The following PHACTR1 variants were observed in gnomAD, a reference collection of about 807,000 sequenced individuals.
PHACTR1 encodes phosphatase and actin regulator 1, also known as RPEL repeat containing 1.
Under a neutral mutation model 69.2 loss-of-function variants are expected in PHACTR1, and 16 were observed. The ratio of observed to expected loss-of-function variants is 0.23; its 90% CI spans 0.16 to 0.35. The LOEUF (loss-of-function observed/expected upper bound fraction) is 0.35, where lower values mean the gene tolerates loss of function less well. Among genes scored for constraint, PHACTR1 ranks in the 10% least tolerant of loss-of-function variants. The pLI is 1.00. For missense variants in PHACTR1, 510 were observed against 734.7 expected (o/e 0.69, Z 3.54); for synonymous variants, 312 against 284.5 (o/e 1.10, Z -0.97).
At chr6:13,186,037 T>C (rs1762787714) in intron 7 of PHACTR1, among the ~76,000 whole-genome samples, 1 of 152,154 alleles carries the variant, frequency 6.6e-6, no homozygotes, top group Non-Finnish European at 1.5e-5. Context: ...TCTATAAGAG[T>C]CCATCTTAGA....
At chr6:13,139,559 T>G (rs965985368) in intron 5 of PHACTR1, among the ~76,000 whole-genome samples, 1 of 152,220 alleles carries the variant, frequency 6.6e-6, no homozygotes, top group African/African-American at 2.4e-5. Flanking sequence ...GGAACTGAAC[T>G]TGAAAGAACA....
chr6:13,194,660 T>C (rs954736329), intron 7 of PHACTR1, among the ~76,000 whole-genome samples: 2 of 152,196 alleles, frequency 1.3e-5, no homozygotes, highest in Admixed American at 6.5e-5. Flanking sequence ...TTTAAATGTT[T>C]TCACTGCCAA....
At chr6:13,244,039 G>A (rs904737941) in intron 10 of PHACTR1, among the ~76,000 whole-genome samples, 4 of 152,250 alleles carry the variant, frequency 2.6e-5, no homozygotes, top group East Asian at 3.9e-4. Flanking sequence ...CGATAATCAC[G>A]TAGGTTCTTT....
At chr6:12,961,112 T>C (rs977463159) in intron 4 of PHACTR1, among the ~76,000 whole-genome samples, 1 of 152,198 alleles carries the variant, frequency 6.6e-6, no homozygotes, top group Non-Finnish European at 1.5e-5. Context: ...AGGTTGAGCT[T>C]CTTAGGAAAC....
At position 12,985,561 on chromosome 6, in the gene PHACTR1, T is replaced by TACAC. The variant is rs1554186433; in HGVS notation, c.251-67802_251-67799dup. 3.1e-3 allele frequency among the ~76,000 whole-genome samples: 458 copies of TACAC among 146,376 alleles called. 4 individuals carry two copies. Among genetic ancestry groups the TACAC allele is most frequent in the African/African-American group, 0.011 (436 of 39,936 alleles). On this transcript the variant is annotated intron_variant, in intron 4 of 14. Coordinates refer to ENST00000332995, the MANE Select transcript of PHACTR1 (RefSeq NM_030948.6). ...AAAAAAATATATATATATATATATA[T>TACAC]ACACAGAGAGAGAGAGTCATACACA...
intron 4 of PHACTR1, among the ~76,000 whole-genome samples, chr6:12,905,211 A>G (rs533779979): frequency 6.6e-6 from 1 of 152,334 alleles, no homozygotes; most frequent in African/African-American, 2.4e-5. Flanking sequence ...GTGGAAAAGC[A>G]TGGAGCTAAC....
intron 6 of PHACTR1, among the ~76,000 whole-genome samples, chr6:13,168,983 T>C (rs1760220272): frequency 6.6e-6 from 1 of 152,172 alleles, no homozygotes; most frequent in African/African-American, 2.4e-5. Flanking sequence ...GAGACTGACT[T>C]GCAAGGAGAG....
intron 8 of PHACTR1, among the ~76,000 whole-genome samples, chr6:13,218,539 G>A (rs13196441): frequency 6.6e-5 from 10 of 151,996 alleles, no homozygotes; most frequent in Admixed American, 5.2e-4. Context: ...AAAAATATTC[G>A]GCCATTGAAA....
intron 4 of PHACTR1, among the ~76,000 whole-genome samples, chr6:12,978,048 T>A (rs1795099345): frequency 6.6e-6 from 1 of 152,254 alleles, no homozygotes; most frequent in Non-Finnish European, 1.5e-5. Flanking sequence ...TCAGCTCCCG[T>A]ATCTTCAAGG....
At chr6:12,887,016 C>A (rs770798872) in intron 4 of PHACTR1, among the ~76,000 whole-genome samples, 1 of 152,092 alleles carries the variant, frequency 6.6e-6, no homozygotes, top group Non-Finnish European at 1.5e-5. Context: ...CCTCCTCCCC[C>A]TCTTCCTCCT....
At chr6:12,963,590 A>G (rs1793042176) in intron 4 of PHACTR1, among the ~76,000 whole-genome samples, 2 of 152,204 alleles carry the variant, frequency 1.3e-5, no homozygotes, top group South Asian at 4.1e-4. Flanking sequence ...CCAGTGCCCA[A>G]GAAGGATTTG....
At chr6:12,722,260 G>A (rs1762219805) in intron 3 of PHACTR1, among the ~76,000 whole-genome samples, 1 of 152,200 alleles carries the variant, frequency 6.6e-6, no homozygotes, top group African/African-American at 2.4e-5. Flanking sequence ...GACTGATCAA[G>A]TGTTCTTACA....
chr6:13,284,979 T>C (rs1781347431), intron 13 of PHACTR1, among the ~76,000 whole-genome samples: 1 of 152,180 alleles, frequency 6.6e-6, no homozygotes, highest in Non-Finnish European at 1.5e-5. Context: ...ACCCAGGAAC[T>C]GGCATTGCCA....
chr6:12,883,451 G>A lies in PHACTR1; in HGVS notation c.250+133661G>A, dbSNP rs139045061. 4.5e-3 allele frequency among the ~76,000 whole-genome samples: 686 copies of A among 151,782 alleles called. 2 individuals are homozygous for A. Among genetic ancestry groups the A allele is most frequent in the African/African-American group, 0.015 (622 of 41,384 alleles). On this transcript the variant is annotated intron_variant, in intron 4 of 14. Transcript: ENST00000332995. Reference sequence around the variant, plus strand: ...GCAGGTCTCGAACTCCTGACCCCAGGTGATCTGTCCTCCTTGGGCTCCCAA... The same window carrying A: ...GCAGGTCTCGAACTCCTGACCCCAGATGATCTGTCCTCCTTGGGCTCCCAA...
chr6:12,918,603 C>G (rs1787279405), intron 4 of PHACTR1, among the ~76,000 whole-genome samples: 1 of 152,150 alleles, frequency 6.6e-6, no homozygotes, highest in Non-Finnish European at 1.5e-5. Flanking sequence ...TTTAAACATT[C>G]ATTAATTTGA....
At chr6:13,032,077 AG>A (rs1362407040) in intron 4 of PHACTR1, among the ~76,000 whole-genome samples, 2 of 152,258 alleles carry the variant, frequency 1.3e-5, no homozygotes, top group Non-Finnish European at 2.9e-5. Context: ...AAGCAATTCT[AG>A]AATATAATAT....
rs147817324 is a variant in PHACTR1, at chr6:13,051,680, C to T, written c.251-1685C>T. ...AAAACTTAAGCCCAAAGTGACCTCC[C>T]TCGAGGTCTTCTCCAATGCTGTGAA... On this transcript the variant is annotated intron_variant, in intron 4 of 14. Coordinates refer to ENST00000332995, the MANE Select transcript of PHACTR1 (RefSeq NM_030948.6). Among the ~76,000 whole-genome samples, 607 of 152,280 alleles carry T rather than the reference C, an allele frequency of 4.0e-3. 2 individuals are homozygous for T. Among genetic ancestry groups the T allele is most frequent in the Middle Eastern group, 6.8e-3 (2 of 292 alleles).
intron 6 of PHACTR1, among the ~76,000 whole-genome samples, chr6:13,164,800 TG>T (rs1759550019): frequency 6.6e-6 from 1 of 152,226 alleles, no homozygotes; most frequent in Non-Finnish European, 1.5e-5. Context: ...TTTTCCTTCA[TG>T]GGTTAAAATC....
At chr6:12,909,357 A>G (rs1382206696) in intron 4 of PHACTR1, among the ~76,000 whole-genome samples, 1 of 152,242 alleles carries the variant, frequency 6.6e-6, no homozygotes, top group Non-Finnish European at 1.5e-5. Context: ...TTAAACTGCA[A>G]TTAATTCACA....
Sources: gnomAD v4.1 joint callset for allele counts (sites outside exome capture counted in the v4.1 genomes callset) on GRCh38, gnomAD v4.1.1 for gene constraint, MANE v1.5 for transcripts, NCBI Gene and HGNC (gene_info 2026-07-23, HGNC 2026-07-21) for gene names.